The following AGBL4 variants were observed in gnomAD, a reference collection of about 807,000 sequenced individuals.
The protein encoded by AGBL4 is AGBL carboxypeptidase 4.
In AGBL4, 58 loss-of-function variants were observed where a neutral mutation model predicts 66.4. The observed-to-expected ratio is 0.87, with a 90% CI of 0.71 to 1.09. The LOEUF (loss-of-function observed/expected upper bound fraction) is 1.09. Among genes scored for constraint, AGBL4 ranks in the 50% least tolerant of loss-of-function variants. AGBL4 has a pLI of 0.00. For missense variants in AGBL4, 579 were observed against 631.0 expected, an observed-to-expected ratio of 0.92 and a Z score of 0.88; for synonymous variants, 234 against 222.9, an observed-to-expected ratio of 1.05 and a Z score of -0.44.
intron 3 of AGBL4, among the ~76,000 whole-genome samples, chr1:49,249,537 T>C (rs534033542): frequency 3.9e-5 from 6 of 152,116 alleles, no homozygotes; most frequent in Non-Finnish European, 8.8e-5. Flanking sequence ...TCACTGCAAT[T>C]AGAATGGCTA....
chr1:49,546,051 C>A (rs1163606114), intron 3 of AGBL4, among the ~76,000 whole-genome samples: 6 of 152,064 alleles, frequency 3.9e-5, no homozygotes, highest in African/African-American at 9.7e-5. Flanking sequence ...TCCCCAAAGT[C>A]CCCACAGGCC....
At chr1:49,859,304 G>A (rs1358425930) in intron 1 of AGBL4, among the ~76,000 whole-genome samples, 1 of 152,114 alleles carries the variant, frequency 6.6e-6, no homozygotes, top group Non-Finnish European at 1.5e-5. Flanking sequence ...CTAAAGACTG[G>A]TATTCCTTCT....
rs575669723 is a variant in AGBL4 at position 49,109,446 on chromosome 1, T to A, written c.378-63646A>T. On this transcript the variant is annotated intron_variant, in intron 4 of 13. Coordinates refer to ENST00000371839, the MANE Select transcript of AGBL4 (RefSeq NM_032785.4). The stretch of plus-strand genomic sequence containing the variant: ...ACCTGACTATTACTCTCCACCTGGG[T>A]GGGGCCATCCCTTAATCTAATCCAA... 2.6e-5 allele frequency among the ~76,000 whole-genome samples: 4 copies of A among 152,318 alleles called. No individual in the cohort carries two copies. In the South Asian group the frequency reaches 8.3e-4, roughly 32 times the overall value.
intron 1 of AGBL4, among the ~76,000 whole-genome samples, chr1:49,937,091 A>T (rs1654144665): frequency 6.6e-6 from 1 of 152,284 alleles, no homozygotes; most frequent in South Asian, 2.1e-4. Context: ...TATTCAGGAA[A>T]CCCATCTCAT....
chr1:49,660,959 T>C (rs1001828906), intron 3 of AGBL4, among the ~76,000 whole-genome samples: 1 of 151,144 alleles, frequency 6.6e-6, no homozygotes, highest in Non-Finnish European at 1.5e-5. Flanking sequence ...TGGGGGGTCA[T>C]GCAGGGGGAG....
At chr1:48,955,292 C>G (rs1195398359) in intron 5 of AGBL4, among the ~76,000 whole-genome samples, 1 of 152,146 alleles carries the variant, frequency 6.6e-6, no homozygotes, top group Non-Finnish European at 1.5e-5. Context: ...AGTGGTCACC[C>G]TTATGGGTAA....
chr1:48,905,797 T>G (rs1288313057), intron 5 of AGBL4, among the ~76,000 whole-genome samples: 1 of 152,196 alleles, frequency 6.6e-6, no homozygotes, highest in Non-Finnish European at 1.5e-5. Flanking sequence ...AAATCAGACA[T>G]GGCAATACTA....
chr1:49,725,658 C>A (rs2124698436), intron 2 of AGBL4, among the ~76,000 whole-genome samples: 1 of 149,770 alleles, frequency 6.7e-6, no homozygotes, highest in Non-Finnish European at 1.5e-5. Context: ...AAGTCATATC[C>A]ATTAATGTTC....
chr1:49,318,828 A>G (rs1645084000), intron 3 of AGBL4, among the ~76,000 whole-genome samples: 1 of 152,130 alleles, frequency 6.6e-6, no homozygotes, highest in African/African-American at 2.4e-5. Context: ...TGAGCCATTT[A>G]GAAATGCATT....
At chr1:48,576,789 C>T (rs1306606504) in intron 11 of AGBL4, among the ~76,000 whole-genome samples, 1 of 152,204 alleles carries the variant, frequency 6.6e-6, no homozygotes, top group African/African-American at 2.4e-5. Flanking sequence ...AAATCTATTT[C>T]TGTGAATGCA....
At position 48,891,981 on chromosome 1, in the gene AGBL4, C is replaced by T. The variant is rs1651017699; in HGVS notation, c.595-24751G>A. On this transcript the variant is annotated intron_variant, in intron 5 of 13. Transcript: ENST00000371839. Reference sequence around the variant, plus strand: ...TATTTATTTCCTAGGGCTGCCATAACAAATTACTACAAACTAGGTGACTTA... The same window carrying T: ...TATTTATTTCCTAGGGCTGCCATAATAAATTACTACAAACTAGGTGACTTA... 2.1e-5 allele frequency among the ~76,000 whole-genome samples: 3 copies of T among 143,860 alleles called. No homozygotes were observed. In the South Asian group the frequency reaches 6.6e-4, roughly 32 times the overall value. 94.4% of individuals were successfully genotyped at this position (143,860 alleles called of 152,430 possible).
At chr1:49,617,075 A>G (rs1645262901) in intron 3 of AGBL4, among the ~76,000 whole-genome samples, 1 of 152,124 alleles carries the variant, frequency 6.6e-6, no homozygotes, top group South Asian at 2.1e-4. Context: ...CATTTCAGCC[A>G]TTGTAAGCGC....
chr1:48,715,490 G>A (rs913802219), intron 6 of AGBL4, among the ~76,000 whole-genome samples: 1 of 152,212 alleles, frequency 6.6e-6, no homozygotes. Context: ...GAGCTCTTGG[G>A]AGGCAAGAGG....
intron 3 of AGBL4, among the ~76,000 whole-genome samples, chr1:49,637,863 C>T (rs1327992211): frequency 1.3e-5 from 2 of 151,930 alleles, no homozygotes; most frequent in African/African-American, 4.8e-5. Context: ...AAATGGTTAA[C>T]ACCAGTAATA....
chr1:49,956,616 A>G (rs2148333956), intron 1 of AGBL4, among the ~76,000 whole-genome samples: 1 of 152,088 alleles, frequency 6.6e-6, no homozygotes, highest in African/African-American at 2.4e-5. Flanking sequence ...AATTATTGGT[A>G]AAACAATCTT....
intron 8 of AGBL4, among the ~76,000 whole-genome samples, chr1:48,649,605 A>AC (rs1645894621): frequency 6.6e-6 from 1 of 152,206 alleles, no homozygotes; most frequent in Admixed American, 6.5e-5. Context: ...TTGATCTATC[A>AC]TGGTATAGTG....
In AGBL4 at chr1:49,811,525, C is replaced by CTAA. The variant is rs536251117; in HGVS notation, c.157+39868_157+39870dup. ...AAGACAAATTCCCTAAGGATAAAGACTAATAATAATAATGTCTCTAGGTAC... is the reference window on the plus strand; with the variant it reads ...AAGACAAATTCCCTAAGGATAAAGACTAATAATAATAATAATGTCTCTAGGTAC... On this transcript the variant is annotated intron_variant, in intron 2 of 13. Transcript: ENST00000371839. 2.1e-4 allele frequency among the ~76,000 whole-genome samples: 32 copies of CTAA among 152,178 alleles called. No individual in the cohort carries two copies. The East Asian group carries it at 5.0e-3, about 24-fold the overall frequency.
At chr1:49,131,340 C>CA (rs1645891672) in intron 4 of AGBL4, among the ~76,000 whole-genome samples, 1 of 151,900 alleles carries the variant, frequency 6.6e-6, no homozygotes, top group African/African-American at 2.4e-5. Context: ...ATACATTTGT[C>CA]AAAATTCGTT....
At chr1:49,793,639 T>C (rs1223571945) in intron 2 of AGBL4, among the ~76,000 whole-genome samples, 2 of 151,964 alleles carry the variant, frequency 1.3e-5, no homozygotes, top group Admixed American at 6.6e-5. Context: ...TCTAGAATTC[T>C]ACTTTGGATC....
Sources: gnomAD v4.1 joint callset for allele counts (sites outside exome capture counted in the v4.1 genomes callset) on GRCh38, gnomAD v4.1.1 for gene constraint, MANE v1.5 for transcripts, NCBI Gene and HGNC (gene_info 2026-07-23, HGNC 2026-07-21) for gene names.